The following BICD1 variants were observed in gnomAD, a reference collection of about 807,000 sequenced individuals.
BICD1 encodes protein bicaudal D homolog 1.
A neutral mutation model predicts 92.5 loss-of-function variants in BICD1; 35 were observed. The ratio of observed to expected loss-of-function variants is 0.38; its 90% CI spans 0.29 to 0.50. The LOEUF (loss-of-function observed/expected upper bound fraction) is 0.50. BICD1 is among the 20% of genes least tolerant of loss of function. BICD1 has a pLI of 0.93. For missense variants in BICD1, 950 were observed against 1,189.8 expected, an observed-to-expected ratio of 0.80 and a Z score of 2.97; for synonymous variants, 429 against 465.1, an observed-to-expected ratio of 0.92 and a Z score of 1.00.
chr12:32,315,865 G>A (rs187357765), intron 4 of BICD1, among the ~76,000 whole-genome samples: 5 of 152,206 alleles, frequency 3.3e-5, no homozygotes, highest in African/African-American at 1.2e-4. Flanking sequence ...GCTGGGCGTG[G>A]TGGCTCATGC....
intron 4 of BICD1, among the ~76,000 whole-genome samples, chr12:32,325,599 A>C (rs1948756341): frequency 6.6e-6 from 1 of 152,202 alleles, no homozygotes; most frequent in Admixed American, 6.5e-5. Flanking sequence ...TCATAAAAAT[A>C]CTACTCTACT....
chr12:32,191,136 A>C (rs1944552677), intron 1 of BICD1, among the ~76,000 whole-genome samples: 1 of 152,178 alleles, frequency 6.6e-6, no homozygotes, highest in African/African-American at 2.4e-5. Flanking sequence ...TTCGGAAGAA[A>C]GATCTTAAAC....
chr12:32,342,344 T>A (rs946105193), intron 8 of BICD1, among the ~76,000 whole-genome samples: 13 of 150,468 alleles, frequency 8.6e-5, no homozygotes, highest in African/African-American at 3.2e-4. Context: ...AAGCTCTGCC[T>A]CCCAGGTTCA....
chr12:32,162,691 T>A (rs1224421169), intron 1 of BICD1, among the ~76,000 whole-genome samples: 1 of 152,206 alleles, frequency 6.6e-6, no homozygotes, highest in Non-Finnish European at 1.5e-5. Context: ...AATTAAAAAT[T>A]AAAATTTGAG....
Position 32,163,010 on chromosome 12 carries a change from G to C in BICD1, c.214-53237G>C, listed in dbSNP as rs116250402. Among the ~76,000 whole-genome samples the C allele has an allele frequency of 5.9e-3, 900 of 151,692 alleles. 10 individuals are homozygous for C. Among genetic ancestry groups the C allele is most frequent in the African/African-American group, 0.02 (834 of 41,440 alleles). Reference sequence around the variant, plus strand: ...TAAAAAAATAAAAAATAAAAAATTTGATATTTTATAATTTTAAATTATGGT... The same window carrying C: ...TAAAAAAATAAAAAATAAAAAATTTCATATTTTATAATTTTAAATTATGGT... On this transcript the variant is annotated intron_variant, in intron 1 of 9. Transcript: ENST00000652176.
Position 32,328,700 on chromosome 12 carries a change from C to A in BICD1, c.2100+145C>A. 1.7e-6 allele frequency: 2 copies of A among 1,156,502 alleles called. No individual in the cohort carries two copies. Among genetic ancestry groups the A allele is most frequent in the Non-Finnish European group, 2.4e-6 (2 of 838,790 alleles). 71.6% of individuals were successfully genotyped at this position (1,156,502 alleles called of 1,614,324 possible). ...AAATAAAACTGTCCCAGTGCCAGAT[C>A]AGAATGTCATAATAATTATTGTTTT... On this transcript the variant is annotated intron_variant, in intron 5 of 9. Transcript: ENST00000652176. This position sits in a 1 kb window ranked among gnomAD's most constrained non-coding sequence, Gnocchi z 4.4.
In BICD1 at chr12:32,346,104, G is replaced by GTTTTATC. The variant is rs1938553020; in HGVS notation, c.2764+7126_2764+7127insTTTATCT. 3.3e-5 allele frequency among the ~76,000 whole-genome samples: 5 copies of GTTTTATC among 152,210 alleles called. No homozygotes were observed. The South Asian group carries it at 1.0e-3, about 31-fold the overall frequency. On this transcript the variant is annotated intron_variant, in intron 8 of 9. Transcript: ENST00000652176. ...ATTGAGGCTGCAGTGAGCCATGATC[G>GTTTTATC]TGCAACTGCACTCCAGGCTGGGTGA... is the stretch of plus-strand genomic sequence containing the variant.
chr12:32,227,784 A>C (rs1294315026), intron 2 of BICD1: 1 of 154,232 alleles, frequency 6.5e-6, no homozygotes, highest in African/African-American at 2.4e-5. Flanking sequence ...TGGAGGCTTG[A>C]AATGCCACCT....
chr12:32,346,583 C>A (rs1370485738), intron 8 of BICD1, among the ~76,000 whole-genome samples: 2 of 26,124 alleles, frequency 7.7e-5, no homozygotes, highest in Admixed American at 5.9e-4. Flanking sequence ...TATATATATA[C>A]GTGTATATAT....
At position 32,378,712 on chromosome 12, in the gene BICD1, G is replaced by T. The variant is rs1197433052; in HGVS notation, c.*1085G>T. On this transcript the variant is annotated 3_prime_UTR_variant, in exon 10 of 10. Transcript: ENST00000652176. The stretch of plus-strand genomic sequence containing the variant: ...GAGTGTTCAAAGTTTGATTAAAATT[G>T]TATGTTTTGTTGTTGTTAGTTTTTT... 6.6e-6 allele frequency: 1 copy of T among 151,594 alleles called. No individual in the cohort carries two copies. The highest frequency in any genetic ancestry group is 1.5e-5 in the Non-Finnish European group (1 of 68,008). The allele number at this position is 151,594 out of a possible 1,614,324, so 9.4% of individuals were successfully genotyped here.
At chr12:32,338,048 T>G (rs1052066681) in intron 7 of BICD1, 1 of 470,326 alleles carries the variant, frequency 2.1e-6, no homozygotes, top group Non-Finnish European at 3.8e-6. Context: ...TGATTAATCG[T>G]AATATAATTT....
At chr12:32,231,489 C>T (rs531238988) in intron 2 of BICD1, among the ~76,000 whole-genome samples, 1 of 152,028 alleles carries the variant, frequency 6.6e-6, no homozygotes, top group African/African-American at 2.4e-5. Context: ...TAAATATTCC[C>T]AGAATCCAAA....
At position 32,216,320 on chromosome 12, in the gene BICD1, A is replaced by G. The variant is rs1422604302; in HGVS notation, c.287A>G (p.Gln96Arg). The G allele has an allele frequency of 6.2e-7, 1 of 1,614,110 alleles. No individual in the cohort carries two copies. Among genetic ancestry groups the G allele is most frequent in the Non-Finnish European group, 8.5e-7 (1 of 1,180,050 alleles). The change falls in exon 2 of 10, where the codon CAG (glutamine) becomes CGG (arginine). Residue 96 changes from glutamine to arginine, a missense_variant. Physicochemically the swap from Gln to Arg is conservative, Grantham distance 43 (BLOSUM62 1). Around this residue, in one of 5 missense-constraint regions of BICD1, gnomAD observed 202 missense variants for 205.3 expected, o/e 0.98. Transcript: ENST00000652176. ...GAGACTCGGGAGGAAACGCTTCTGCAGGAGTCAGCATCGAAGGAGGCTTAC... is the reference window on the plus strand; with the variant it reads ...GAGACTCGGGAGGAAACGCTTCTGCGGGAGTCAGCATCGAAGGAGGCTTAC... ...DGETREETLL[Q>R]ESASKEAYYL... is the part of the protein sequence containing the mutation.
rs1940072186 is a variant in BICD1 at position 32,378,590 on chromosome 12, C to T, written c.*963C>T. ...TTTTACTTCTCCCAAAATCAGGGTC[C>T]TACTGAGTCTTTCCTGATAAAAGGT... On this transcript the variant is annotated 3_prime_UTR_variant, in exon 10 of 10. Coordinates refer to ENST00000652176, the MANE Select transcript of BICD1 (RefSeq NM_001714.4). 1.3e-5 allele frequency: 2 copies of T among 152,054 alleles called. No homozygotes were observed. The highest frequency in any genetic ancestry group is 4.8e-5 in the African/African-American group (2 of 41,388). 9.4% of individuals were successfully genotyped at this position (152,054 alleles called of 1,614,324 possible). A position where few individuals can be genotyped will look rare whatever the true frequency, so the allele number is the denominator to read the frequency against.
At chr12:32,221,239 A>G (rs116894035) in intron 2 of BICD1, among the ~76,000 whole-genome samples, 11,355 of 151,528 alleles carry the variant, frequency 0.075, 468 homozygotes, top group Middle Eastern at 0.12. Context: ...AACTTTAAGT[A>G]TAATAATAAT....
chr12:32,287,547 T>C (rs1226330539), intron 2 of BICD1, among the ~76,000 whole-genome samples: 1 of 150,870 alleles, frequency 6.6e-6, no homozygotes, highest in Non-Finnish European at 1.5e-5. Flanking sequence ...TTTTTTGTTT[T>C]TTTTTTTGAG....
intron 4 of BICD1, among the ~76,000 whole-genome samples, chr12:32,311,399 T>C (rs1441884513): frequency 6.6e-6 from 1 of 152,098 alleles, no homozygotes; most frequent in African/African-American, 2.4e-5. Context: ...CTTGGGAGGC[T>C]GAGGCAGGAG....
At chr12:32,110,673 T>A (rs1592310667) in intron 1 of BICD1, among the ~76,000 whole-genome samples, 1 of 152,300 alleles carries the variant, frequency 6.6e-6, no homozygotes, top group African/African-American at 2.4e-5. Context: ...AGAAGAGTCA[T>A]AGCTCCAAAA....
At chr12:32,182,877 CT>C (rs1212441321) in intron 1 of BICD1, among the ~76,000 whole-genome samples, 73 of 102,608 alleles carry the variant, frequency 7.1e-4, no homozygotes, top group Middle Eastern at 5.9e-3. Context: ...TTTTTCTTTT[CT>C]TTTCTTTCTT....
Sources: gnomAD v4.1 joint callset for allele counts (sites outside exome capture counted in the v4.1 genomes callset) on GRCh38, gnomAD v4.1.1 for gene constraint, gnomAD v4.1.1 regional missense constraint, Gnocchi (gnomAD v3.1) non-coding constraint, MANE v1.5 for transcripts, NCBI Gene and HGNC (gene_info 2026-07-23, HGNC 2026-07-21) for gene names.